Variants in C11orf65 observed in about 807,000 individuals in gnomAD.
C11orf65 encodes the protein protein MFI.
In C11orf65, 38 loss-of-function variants were observed where a neutral mutation model predicts 35.3. The observed-to-expected ratio is 1.08, with a 90% CI of 0.83 to 1.41. The LOEUF (loss-of-function observed/expected upper bound fraction) is 1.41, where lower values mean the gene tolerates loss of function less well. C11orf65 is among the 40% of genes most tolerant of loss of function. The pLI, the probability that C11orf65 is intolerant of heterozygous loss-of-function variation, is 0.00. For missense variants in C11orf65, 370 were observed against 367.1 expected (o/e 1.01, Z -0.06); for synonymous variants, 105 against 114.4 (o/e 0.92, Z 0.53).
intron 5 of C11orf65, among the ~76,000 whole-genome samples, chr11:108,406,114 A>C (rs2092535330): frequency 6.6e-6 from 1 of 152,194 alleles, no homozygotes; most frequent in Non-Finnish European, 1.5e-5. Flanking sequence ...AAACCACTTA[A>C]CATGTTTACC....
At position 108,368,246 on chromosome 11, in the gene C11orf65, G is replaced by A. The variant is rs1352900392; in HGVS notation, c.226+24962C>T. On this transcript the variant is annotated intron_variant, in intron 2 of 3. Transcript: ENST00000524755. ...TTGTAATTTTAGTAGAGACAGGGTT[G>A]CCATTGTATTCCAGCCTTGGCGACA... 2.0e-5 allele frequency: 4 copies of A among 204,158 alleles called. No homozygotes were observed. The Admixed American group carries it at 2.4e-4, about 12-fold the overall frequency. The allele number at this position is 204,158 out of a possible 1,614,324, so 12.6% of individuals were successfully genotyped here.
chr11:108,331,642 TCTA>T, intron 3 of C11orf65: 1 of 1,422,118 alleles, frequency 7.0e-7, no homozygotes, highest in South Asian at 1.4e-5. Context: ...TACCATTCCC[TCTA>T]AGAAATGGAA....
At chr11:108,374,101 A>C (rs2091648068) in intron 2 of C11orf65, among the ~76,000 whole-genome samples, 1 of 152,208 alleles carries the variant, frequency 6.6e-6, no homozygotes, top group African/African-American at 2.4e-5. Flanking sequence ...CTGCAGACTT[A>C]AATGTCCCTG....
intron 6 of C11orf65, among the ~76,000 whole-genome samples, chr11:108,323,965 G>C (rs2085417381): frequency 6.6e-6 from 1 of 152,074 alleles, no homozygotes; most frequent in African/African-American, 2.4e-5. Flanking sequence ...TGCTCACTAA[G>C]TTTTGTTTTG....
At chr11:108,380,945 A>G (rs142290896), downstream of C11orf65, among the ~76,000 whole-genome samples, 438 of 152,338 alleles carry the variant, frequency 2.9e-3, 1 homozygote, top group African/African-American at 0.01. Flanking sequence ...ATTTTACAGT[A>G]AAGGAATTTA....
chr11:108,418,442 T>C lies in C11orf65; in HGVS notation c.175-11293A>G, dbSNP rs144750676. Among the ~76,000 whole-genome samples the C allele has an allele frequency of 9.9e-5, 15 of 152,176 alleles. 1 individual carries two copies. The East Asian group carries it at 2.5e-3, about 25-fold the overall frequency. On this transcript the variant is annotated intron_variant, in intron 3 of 8. Coordinates refer to ENST00000393084, the MANE Select transcript of C11orf65 (RefSeq NM_152587.5). ...TAAATAACTGAAATAAAGTAGAAAT[T>C]TTAAAATATTTTGAACTGAATTTGA...
intron 2 of C11orf65, among the ~76,000 whole-genome samples, chr11:108,369,802 T>C (rs945276845): frequency 6.6e-6 from 1 of 152,230 alleles, no homozygotes; most frequent in Non-Finnish European, 1.5e-5. Flanking sequence ...GTTATTGTTA[T>C]TTTGATGGGA....
chr11:108,335,343 A>ACAG, intron 2 of C11orf65: 1 of 1,350,090 alleles, frequency 7.4e-7, no homozygotes, highest in Non-Finnish European at 9.9e-7. Flanking sequence ...GAATACCATT[A>ACAG]ACATGTACAG....
At chr11:108,426,261 C>T (rs891195241) in intron 3 of C11orf65, among the ~76,000 whole-genome samples, 6 of 152,266 alleles carry the variant, frequency 3.9e-5, no homozygotes, top group Non-Finnish European at 8.8e-5. Flanking sequence ...ATTGTCTCAG[C>T]CCCAAATCTT....
In C11orf65 at chr11:108,325,925, G is replaced by A. The variant is rs554143784; in HGVS notation, c.641-16854C>T. 1.1e-5 allele frequency: 12 copies of A among 1,085,776 alleles called. No homozygotes were observed. In the South Asian group the frequency reaches 1.7e-4, roughly 15 times the overall value. The allele number at this position is 1,085,776 out of a possible 1,614,324, so 67.3% of individuals were successfully genotyped here. ...TGGGGAGATGTCATGCAGACAGAGA[G>A]GTCCTTAAGATAGTCCCTGACAAGT... On this transcript the variant is annotated intron_variant, in intron 6 of 6. Transcript: ENST00000525729.
intron 2 of C11orf65, chr11:108,345,937 A>G: frequency 6.2e-7 from 1 of 1,611,902 alleles, no homozygotes; most frequent in Non-Finnish European, 8.5e-7. Flanking sequence ...TAGTAGATTG[A>G]GCACTTTGTT....
At chr11:108,422,228 G>A (rs748201950) in intron 3 of C11orf65, among the ~76,000 whole-genome samples, 2 of 151,980 alleles carry the variant, frequency 1.3e-5, no homozygotes, top group African/African-American at 4.8e-5. Flanking sequence ...GCGCCTGGCC[G>A]ACACTTATTC....
chr11:108,423,581 A>C (rs2092853064), intron 3 of C11orf65, among the ~76,000 whole-genome samples: 1 of 152,158 alleles, frequency 6.6e-6, no homozygotes, highest in South Asian at 2.1e-4. Flanking sequence ...CTGCCTCCTC[A>C]AGTGGATCCC....
At position 108,310,413 on chromosome 11, in the gene C11orf65, TA is replaced by T. The variant is rs1283095794; in HGVS notation, c.641-1343del. On this transcript the variant is annotated intron_variant, in intron 6 of 6. Transcript: ENST00000525729. The stretch of plus-strand genomic sequence containing the variant: ...TTTATTTTGCCTCCTGTTCCCCATT[TA>T]AAAGATATTTTAGATAGAAATTTTG... The T allele has an allele frequency of 2.7e-6, 3 of 1,131,688 alleles. No homozygotes were observed. In the Admixed American group the frequency reaches 7.1e-5, roughly 27 times the overall value. 70.1% of individuals were successfully genotyped at this position (1,131,688 alleles called of 1,614,324 possible).
chr11:108,436,185 A>T (rs1307677044), intron 2 of C11orf65, among the ~76,000 whole-genome samples: 1 of 152,142 alleles, frequency 6.6e-6, no homozygotes, highest in African/African-American at 2.4e-5. Context: ...AAGGAGGAAA[A>T]GGCAGGAAAT....
At chr11:108,349,812 G>A (rs1038053350) in intron 2 of C11orf65, among the ~76,000 whole-genome samples, 4 of 152,134 alleles carry the variant, frequency 2.6e-5, no homozygotes, top group Admixed American at 1.3e-4. Flanking sequence ...AGATACAGGA[G>A]AAAAACAAAA....
At chr11:108,312,059 T>A (rs1278761967) in intron 6 of C11orf65, among the ~76,000 whole-genome samples, 1 of 152,212 alleles carries the variant, frequency 6.6e-6, no homozygotes, top group Non-Finnish European at 1.5e-5. Context: ...TCTTTATTTG[T>A]GTGTCTGTAA....
intron 2 of C11orf65, chr11:108,343,151 A>G: frequency 6.3e-7 from 1 of 1,590,714 alleles, no homozygotes; most frequent in Non-Finnish European, 8.6e-7. Context: ...ACTGACTCTG[A>G]TAGCTGAATG....
chr11:108,431,814 T>C lies in C11orf65; in HGVS notation c.106A>G (p.Lys36Glu), dbSNP rs758297843. 9 of 1,521,786 alleles carry C rather than the reference T, an allele frequency of 5.9e-6. No individual in the cohort carries two copies. The East Asian group carries it at 2.1e-4, about 35-fold the overall frequency. 94.3% of individuals were successfully genotyped at this position (1,521,786 alleles called of 1,614,324 possible). The part of the protein sequence containing the change: ...FLNVAIFQHF[K>E]SLIDLRRQGE... ...TGTCTTCTTAAATCAATCAGACTTT[T>C]AAAGTGTTGAAATATAGCGACATTC... is the stretch of plus-strand genomic sequence containing the variant. Residue 36 changes from lysine (K) to glutamate (E), a missense_variant, in exon 3 of 9, where the codon AAA becomes GAA. Lys to Glu is a moderately conservative substitution (Grantham distance 56, BLOSUM62 1). Transcript: ENST00000393084.
Sources: allele counts gnomAD v4.1 joint callset (sites outside exome capture counted in the v4.1 genomes callset), GRCh38; gene constraint gnomAD v4.1.1; transcripts MANE v1.5; gene names NCBI Gene and HGNC (gene_info 2026-07-23, HGNC 2026-07-21).